The following DMD variants were observed in gnomAD, a reference collection of about 807,000 sequenced individuals.
DMD encodes the protein mutant dystrophin.
Under a neutral mutation model 330.1 loss-of-function variants are expected in DMD, and 63 were observed. The observed-to-expected ratio is 0.19, with a 90% CI of 0.16 to 0.24. DMD has a LOEUF of 0.24. Among genes scored for constraint, DMD ranks in the 10% least tolerant of loss-of-function variants. DMD has a pLI of 1.00. For synonymous variants in DMD, 1,223 were observed against 959.8 expected (o/e 1.27, Z -5.07); for missense variants, 3,344 against 2,684.1 (o/e 1.25, Z -5.43).
At chrX:31,376,231 C>CG (rs2059877981) in intron 60 of DMD, among the ~76,000 whole-genome samples, 1 of 112,063 alleles carries the variant, frequency 8.9e-6, no homozygotes, top group Admixed American at 9.5e-5. Context: ...CATAACCTTT[C>CG]GAAAAGCACA....
upstream of DMD, among the ~76,000 whole-genome samples, chrX:33,212,282 T>C (rs2051948262): frequency 8.9e-6 from 1 of 112,333 alleles, no homozygotes; most frequent in African/African-American, 3.2e-5. Flanking sequence ...AAACACCATT[T>C]TTTTAGACAT....
chrX:32,839,010 G>T (rs371546426), intron 4 of DMD, among the ~76,000 whole-genome samples: 19 of 111,923 alleles, frequency 1.7e-4, no homozygotes, highest in African/African-American at 6.2e-4. Context: ...CAATAGCAAA[G>T]ACTTGGAACT....
At chrX:32,829,878 T>C (rs1225150832) in intron 4 of DMD, among the ~76,000 whole-genome samples, 1 of 112,113 alleles carries the variant, frequency 8.9e-6, no homozygotes, top group African/African-American at 3.2e-5. Flanking sequence ...GATATTTCAT[T>C]AATTACATCT....
intron 51 of DMD, among the ~76,000 whole-genome samples, chrX:31,736,803 G>T (rs1008046998): frequency 2.7e-5 from 3 of 110,860 alleles, no homozygotes; most frequent in Non-Finnish European, 5.7e-5. Flanking sequence ...TTAAAAGAAT[G>T]AACTCTGGAG....
At chrX:32,019,340 C>T (rs1293886) in intron 44 of DMD, among the ~76,000 whole-genome samples, 32,859 of 110,119 alleles carry the variant, frequency 0.3, 5,610 homozygotes, top group African/African-American at 0.65. Context: ...TCTTGAGCTA[C>T]ATAATTGTTC....
intron 44 of DMD, among the ~76,000 whole-genome samples, chrX:32,081,007 T>C (rs2096387590): frequency 8.9e-6 from 1 of 111,981 alleles, no homozygotes; most frequent in Non-Finnish European, 1.9e-5. Flanking sequence ...TTGACCCACG[T>C]CTTGACAAAT....
At chrX:31,753,045 C>T (rs764497658) in intron 51 of DMD, among the ~76,000 whole-genome samples, 1 of 111,769 alleles carries the variant, frequency 8.9e-6, no homozygotes, top group African/African-American at 3.2e-5. Context: ...TTTTCAACAA[C>T]ATCAAATTAA....
At chrX:32,695,254 C>T (rs2063563846) in intron 9 of DMD, among the ~76,000 whole-genome samples, 1 of 111,713 alleles carries the variant, frequency 9.0e-6, no homozygotes, top group East Asian at 2.8e-4. Context: ...AATTCAGGTT[C>T]TGCCACTTAC....
intron 33 of DMD, among the ~76,000 whole-genome samples, chrX:32,382,056 T>C (rs1210507641): frequency 9.0e-6 from 1 of 111,139 alleles, no homozygotes; most frequent in Non-Finnish European, 1.9e-5. Flanking sequence ...CATGACATAT[T>C]GTACCACCTC....
intron 2 of DMD, among the ~76,000 whole-genome samples, chrX:32,912,877 T>C (rs1463892760): frequency 8.9e-6 from 1 of 112,148 alleles, no homozygotes; most frequent in Non-Finnish European, 1.9e-5. Flanking sequence ...ACACATTTGG[T>C]TATGATTGAA....
chrX:31,480,039 T>G (rs932438828), intron 57 of DMD, among the ~76,000 whole-genome samples: 1 of 112,235 alleles, frequency 8.9e-6, no homozygotes, highest in Non-Finnish European at 1.9e-5. Context: ...AAGTGCATGC[T>G]ACATAAATGC....
chrX:32,917,757 C>T (rs1284266653), intron 2 of DMD, among the ~76,000 whole-genome samples: 3 of 111,611 alleles, frequency 2.7e-5, no homozygotes, highest in Admixed American at 9.5e-5. Flanking sequence ...AATAAATCCT[C>T]CTCATTTCCA....
At chrX:31,590,566 AGATATGAATTTTAGTCT>A (rs370170643) in intron 55 of DMD, among the ~76,000 whole-genome samples, 1,330 of 111,664 alleles carry the variant, frequency 0.012, 27 homozygotes, top group African/African-American at 0.041. Flanking sequence ...CTTTCATTCT[AGATATGAATTTTAGTCT>A]GATATCTTAT....
chrX:31,513,637 C>CT (rs1233988925), intron 55 of DMD, among the ~76,000 whole-genome samples: 1 of 111,510 alleles, frequency 9.0e-6, no homozygotes, highest in African/African-American at 3.3e-5. Flanking sequence ...TTTTTTTCTT[C>CT]TTTTTTGTGA....
chrX:31,180,295 G>A (rs2041021450), intron 69 of DMD, 75 bp downstream of exon 69: 1 of 694,348 alleles, frequency 1.4e-6, no homozygotes, highest in African/African-American at 2.1e-5. Context: ...CATTATACAT[G>A]ATCTGCAGTA....
intron 1 of DMD, among the ~76,000 whole-genome samples, chrX:33,226,874 C>T (rs1277512038): frequency 9.2e-6 from 1 of 109,246 alleles, no homozygotes; most frequent in Non-Finnish European, 1.9e-5. Flanking sequence ...CACTGACATT[C>T]GTGCATACAA....
At chrX:33,253,189 C>T (rs1055973709) in intron 1 of DMD, among the ~76,000 whole-genome samples, 3 of 111,614 alleles carry the variant, frequency 2.7e-5, no homozygotes, top group Non-Finnish European at 5.7e-5. Flanking sequence ...TATTATGTAT[C>T]AATAAAAGGA....
chrX:32,752,758 T>C (rs1010357781), intron 7 of DMD, among the ~76,000 whole-genome samples: 1 of 109,307 alleles, frequency 9.1e-6, no homozygotes, highest in African/African-American at 3.3e-5. Flanking sequence ...TGGGAGGTAA[T>C]TGAATCATGG....
intron 60 of DMD, among the ~76,000 whole-genome samples, chrX:31,379,762 C>T (rs1412941733): frequency 8.9e-6 from 1 of 112,218 alleles, no homozygotes; most frequent in Non-Finnish European, 1.9e-5. Flanking sequence ...AATGGCCTCC[C>T]CCAGGAGCTT....
Sources: allele counts gnomAD v4.1 joint callset (sites outside exome capture counted in the v4.1 genomes callset), GRCh38; gene constraint gnomAD v4.1.1; transcripts MANE v1.5; gene names NCBI Gene and HGNC (gene_info 2026-07-23, HGNC 2026-07-21).